The following KCNIP4 variants were observed in gnomAD, a reference collection of about 807,000 sequenced individuals.
KCNIP4 encodes the protein potassium voltage-gated channel interacting protein 4, also known as Kv channel-interacting protein 4.
A neutral mutation model predicts 34.0 loss-of-function variants in KCNIP4; 12 were observed. The ratio of observed to expected loss-of-function variants is 0.35; its 90% CI spans 0.23 to 0.57. The LOEUF (loss-of-function observed/expected upper bound fraction) is 0.57. Among genes scored for constraint, KCNIP4 ranks in the 20% least tolerant of loss-of-function variants. The pLI is 0.83. For missense variants in KCNIP4, 238 were observed against 311.7 expected, an observed-to-expected ratio of 0.76 and a Z score of 1.78; for synonymous variants, 124 against 102.2, an observed-to-expected ratio of 1.21 and a Z score of -1.29.
chr4:21,500,724 T>C (rs1410553958), intron 1 of KCNIP4, among the ~76,000 whole-genome samples: 3 of 152,206 alleles, frequency 2.0e-5, no homozygotes, highest in Non-Finnish European at 1.5e-5. Flanking sequence ...AAAACACATG[T>C]GACTCTTCAT....
intron 1 of KCNIP4, among the ~76,000 whole-genome samples, chr4:21,111,749 A>C (rs532051920): frequency 2.0e-5 from 3 of 152,302 alleles, no homozygotes; most frequent in African/African-American, 7.2e-5. Context: ...GCCGACCAGA[A>C]GAGTTATTGC....
At chr4:20,999,578 A>AG (rs1737919359) in intron 1 of KCNIP4, among the ~76,000 whole-genome samples, 1 of 151,780 alleles carries the variant, frequency 6.6e-6, no homozygotes, top group Non-Finnish European at 1.5e-5. Flanking sequence ...TTGGGGGAAG[A>AG]GGGTGGCTGG....
chr4:20,851,192 TCCC>T (rs1256084687), intron 2 of KCNIP4, among the ~76,000 whole-genome samples: 1 of 152,006 alleles, frequency 6.6e-6, no homozygotes, highest in Non-Finnish European at 1.5e-5. Context: ...ATCCTCTCCC[TCCC>T]CCAACAGGTG....
intron 1 of KCNIP4, among the ~76,000 whole-genome samples, chr4:21,728,306 T>C (rs536407609): frequency 2.2e-4 from 34 of 152,152 alleles, no homozygotes; most frequent in Non-Finnish European, 3.8e-4. Context: ...TTCTCCCAGG[T>C]GCTCAGGTTA....
intron 3 of KCNIP4, among the ~76,000 whole-genome samples, chr4:20,828,548 A>G (rs1236339957): frequency 6.6e-6 from 1 of 152,222 alleles, no homozygotes; most frequent in African/African-American, 2.4e-5. Context: ...ACTCAGATAC[A>G]ATAGTGACCA....
At chr4:21,841,988 C>T (rs1723713337) in intron 1 of KCNIP4, among the ~76,000 whole-genome samples, 4 of 152,232 alleles carry the variant, frequency 2.6e-5, no homozygotes, top group African/African-American at 9.6e-5. Flanking sequence ...AAATGCTCCT[C>T]CTTTTTAGGA....
At chr4:21,012,444 T>A (rs1225874523) in intron 1 of KCNIP4, among the ~76,000 whole-genome samples, 4 of 152,000 alleles carry the variant, frequency 2.6e-5, no homozygotes, top group Admixed American at 1.3e-4. Context: ...ATAAACTGGA[T>A]GTGGTGGCGT....
intron 1 of KCNIP4, among the ~76,000 whole-genome samples, chr4:21,282,338 A>G (rs1762828540): frequency 6.6e-6 from 1 of 152,362 alleles, no homozygotes; most frequent in East Asian, 1.9e-4. Context: ...AGATAACTAC[A>G]AATATAAATA....
intron 1 of KCNIP4, among the ~76,000 whole-genome samples, chr4:21,796,886 C>T (rs1311312778): frequency 6.6e-6 from 1 of 152,204 alleles, no homozygotes; most frequent in Non-Finnish European, 1.5e-5. Context: ...CAGTATTTTA[C>T]AGTAAAATGA....
intron 1 of KCNIP4, among the ~76,000 whole-genome samples, chr4:21,333,195 T>C (rs941710558): frequency 2.0e-5 from 3 of 152,098 alleles, no homozygotes; most frequent in Non-Finnish European, 4.4e-5. Flanking sequence ...GAATTGGTGA[T>C]TTTGCTTTAA....
intron 1 of KCNIP4, among the ~76,000 whole-genome samples, chr4:21,924,540 G>A (rs35206786): frequency 0.23 from 34,526 of 151,918 alleles, 4,837 homozygotes; most frequent in South Asian, 0.31. Flanking sequence ...CACCGCGCCT[G>A]GACAATATAT....
intron 1 of KCNIP4, among the ~76,000 whole-genome samples, chr4:20,988,000 C>CA (rs36044149): frequency 0.051 from 2,320 of 45,862 alleles, 164 homozygotes; most frequent in East Asian, 0.1. Flanking sequence ...GATTCCATCT[C>CA]AAAAAAAAAA....
At chr4:21,650,479 T>C (rs1037297796) in intron 1 of KCNIP4, among the ~76,000 whole-genome samples, 5 of 152,212 alleles carry the variant, frequency 3.3e-5, no homozygotes, top group Non-Finnish European at 7.4e-5. Flanking sequence ...TTGAGGTTTA[T>C]GCCTCTAGCA....
chr4:21,281,280 G>T (rs951586481), intron 1 of KCNIP4, among the ~76,000 whole-genome samples: 1 of 151,758 alleles, frequency 6.6e-6, no homozygotes, highest in Non-Finnish European at 1.5e-5. Flanking sequence ...TAGCAATGGG[G>T]TTTCACCATA....
chr4:21,534,212 T>C (rs570895897), intron 1 of KCNIP4, among the ~76,000 whole-genome samples: 1 of 152,290 alleles, frequency 6.6e-6, no homozygotes, highest in Admixed American at 6.5e-5. Context: ...TATCAAATGT[T>C]AGCTCTAATT....
chr4:21,090,861 A>G (rs897349060), intron 1 of KCNIP4, among the ~76,000 whole-genome samples: 2 of 152,232 alleles, frequency 1.3e-5, no homozygotes, highest in Non-Finnish European at 2.9e-5. Context: ...CTAATGAGAA[A>G]ATACTACTAG....
chr4:21,666,837 G>A (rs1177648378), intron 1 of KCNIP4, among the ~76,000 whole-genome samples: 3 of 152,166 alleles, frequency 2.0e-5, no homozygotes, highest in African/African-American at 7.2e-5. Context: ...TAAGGGGGAG[G>A]AAAGAGAGCC....
At chr4:21,868,169 C>G (rs776937369) in intron 1 of KCNIP4, among the ~76,000 whole-genome samples, 3 of 152,004 alleles carry the variant, frequency 2.0e-5, no homozygotes, top group Non-Finnish European at 2.9e-5. Context: ...TCACAAAGGC[C>G]AACATCAGAA....
rs528808683 is a variant in KCNIP4 at position 20,849,659 on chromosome 4, A to G, written c.288+884T>C. On this transcript the variant is annotated intron_variant, in intron 3 of 8. Coordinates refer to ENST00000382152, the MANE Select transcript of KCNIP4 (RefSeq NM_025221.6). ...GGTTTCAAAAGGATCAAAGCAATTT[A>G]ATTTGGATCTCCAGGGGTGCCTGTA... Among the ~76,000 whole-genome samples, 10 of 152,264 alleles carry G rather than the reference A, an allele frequency of 6.6e-5. 1 individual carries two copies. The South Asian group carries it at 2.1e-3, about 32-fold the overall frequency.
Sources: allele counts gnomAD v4.1 joint callset (sites outside exome capture counted in the v4.1 genomes callset), GRCh38; gene constraint gnomAD v4.1.1; transcripts MANE v1.5; gene names NCBI Gene and HGNC (gene_info 2026-07-23, HGNC 2026-07-21).